The following OTOGL variants were observed in gnomAD, a reference collection of about 807,000 sequenced individuals.
OTOGL encodes otogelin like.
A neutral mutation model predicts 318.5 loss-of-function variants in OTOGL; 285 were observed. The ratio of observed to expected loss-of-function variants is 0.89; its 90% confidence interval spans 0.81 to 0.99. The LOEUF (loss-of-function observed/expected upper bound fraction) is 0.99. OTOGL is among the 50% of genes least tolerant of loss of function. The probability of loss-of-function intolerance (pLI) is 0.00; values close to 1 mark genes in which losing one functional copy is unlikely to be tolerated. For missense variants in OTOGL, 2,899 were observed against 2,845.6 expected (o/e 1.02, Z -0.43); for synonymous variants, 987 against 936.5 (o/e 1.05, Z -0.99).
chr12:80,196,028 CT>C (rs1876042026), intron 1 of OTOGL, among the ~76,000 whole-genome samples: 1 of 152,180 alleles, frequency 6.6e-6, no homozygotes, highest in Admixed American at 6.5e-5. Context: ...AAAAATCATC[CT>C]TGAAGGTTTG....
chr12:80,221,176 A>T (rs1878288313), intron 6 of OTOGL, among the ~76,000 whole-genome samples: 1 of 152,180 alleles, frequency 6.6e-6, no homozygotes, highest in Non-Finnish European at 1.5e-5. Context: ...AAAGGTAGGC[A>T]TGACAATAGG....
At chr12:80,320,064 A>G (rs763498507) in intron 33 of OTOGL, among the ~76,000 whole-genome samples, 5 of 152,176 alleles carry the variant, frequency 3.3e-5, no homozygotes, top group Non-Finnish European at 1.5e-5. Context: ...AAGCTTGCAA[A>G]CGCAAATATA....
At chr12:80,241,069 C>T (rs1229945368) in intron 11 of OTOGL, among the ~76,000 whole-genome samples, 6 of 151,870 alleles carry the variant, frequency 4.0e-5, no homozygotes, top group Non-Finnish European at 8.8e-5. Context: ...TTTAGTAAAA[C>T]CACTTAAATG....
chr12:80,288,444 G>A (rs1884795125), intron 26 of OTOGL, among the ~76,000 whole-genome samples: 1 of 152,060 alleles, frequency 6.6e-6, no homozygotes, highest in African/African-American at 2.4e-5. Context: ...ATGTTGACCT[G>A]TCCTGCTAGG....
At chr12:80,102,771 A>G (rs994596972) in intron 1 of OTOGL, 12 of 607,688 alleles carry the variant, frequency 2.0e-5, no homozygotes, top group African/African-American at 1.3e-4. Flanking sequence ...ATAAAGTCCT[A>G]CTGATGGATG....
intron 17 of OTOGL, among the ~76,000 whole-genome samples, chr12:80,256,977 A>G (rs554055704): frequency 6.6e-6 from 1 of 152,214 alleles, no homozygotes; most frequent in South Asian, 2.1e-4. Flanking sequence ...TGGTTTTGCT[A>G]CAGCAGAGAG....
intron 38 of OTOGL, among the ~76,000 whole-genome samples, chr12:80,334,912 G>A (rs1230037437): frequency 6.6e-6 from 1 of 152,092 alleles, no homozygotes; most frequent in Admixed American, 6.6e-5. Context: ...TACCTGAGAA[G>A]TGGTACAACT....
At chr12:80,317,310 T>A (rs1347780646) in intron 32 of OTOGL, among the ~76,000 whole-genome samples, 1 of 152,184 alleles carries the variant, frequency 6.6e-6, no homozygotes, top group Middle Eastern at 3.2e-3. Context: ...AATGATAAGA[T>A]CAATGACTTT....
intron 1 of OTOGL, among the ~76,000 whole-genome samples, chr12:80,195,124 A>G (rs952643363): frequency 2.6e-5 from 4 of 152,224 alleles, no homozygotes; most frequent in Admixed American, 2.0e-4. Flanking sequence ...TCTTTAGGCT[A>G]TTATAACTAA....
chr12:80,235,541 G>A (rs1879771521), intron 9 of OTOGL, among the ~76,000 whole-genome samples: 3 of 151,870 alleles, frequency 2.0e-5, no homozygotes, highest in African/African-American at 4.8e-5. Context: ...ACATGGTATG[G>A]AGGTCAGGAT....
intron 7 of OTOGL, among the ~76,000 whole-genome samples, chr12:80,223,281 A>G (rs1376085662): frequency 4.6e-5 from 7 of 151,860 alleles, no homozygotes; most frequent in Non-Finnish European, 8.8e-5. Context: ...ATGTATATAT[A>G]TATGGCATAT....
intron 1 of OTOGL, among the ~76,000 whole-genome samples, chr12:80,127,490 A>G (rs1870928791): frequency 6.6e-6 from 1 of 151,904 alleles, no homozygotes; most frequent in African/African-American, 2.4e-5. Flanking sequence ...CTTCATTTCA[A>G]CTTTGGTGAA....
At chr12:80,316,469 T>C (rs916538915) in intron 32 of OTOGL, among the ~76,000 whole-genome samples, 1 of 152,214 alleles carries the variant, frequency 6.6e-6, no homozygotes, top group Non-Finnish European at 1.5e-5. Context: ...TTTTGCTCTC[T>C]GTTAACAAGT....
chr12:80,161,273 T>A (rs964821248), intron 1 of OTOGL, among the ~76,000 whole-genome samples: 2 of 151,456 alleles, frequency 1.3e-5, no homozygotes, highest in African/African-American at 4.9e-5. Flanking sequence ...AATAAAAATG[T>A]AGAAAAAGGG....
intron 1 of OTOGL, among the ~76,000 whole-genome samples, chr12:80,169,219 A>G (rs1193465162): frequency 6.6e-6 from 1 of 152,076 alleles, no homozygotes; most frequent in East Asian, 1.9e-4. Context: ...TCCTTTTCCT[A>G]GAACCTTATC....
At chr12:80,322,002 G>A (rs2137839167) in intron 34 of OTOGL, among the ~76,000 whole-genome samples, 1 of 152,254 alleles carries the variant, frequency 6.6e-6, no homozygotes, top group East Asian at 1.9e-4. Context: ...TGATACTTCA[G>A]GTGCAACTGG....
At chr12:80,338,284 T>TG (rs1161607676) in intron 42 of OTOGL, among the ~76,000 whole-genome samples, 1 of 152,008 alleles carries the variant, frequency 6.6e-6, no homozygotes, top group Non-Finnish European at 1.5e-5. Flanking sequence ...AGGTCTTTTC[T>TG]GGGGGAGGTC....
chr12:80,328,972 TAA>T (rs1369952812), intron 36 of OTOGL, 77 bp from the exon 37 acceptor site: 6 of 1,316,342 alleles, frequency 4.6e-6, no homozygotes, highest in Admixed American at 2.5e-5. Flanking sequence ...TCCTTGAAGC[TAA>T]AGAGTCCTCT....
At chr12:80,336,198 T>A (rs1330664472) in intron 39 of OTOGL, 58 bp downstream of exon 39, 1 of 1,469,558 alleles carries the variant, frequency 6.8e-7, no homozygotes, top group Non-Finnish European at 9.0e-7. Context: ...CTGGAGAGAT[T>A]GTTACTTTTT....
Sources: allele counts gnomAD v4.1 joint callset (sites outside exome capture counted in the v4.1 genomes callset), GRCh38; gene constraint gnomAD v4.1.1; transcripts MANE v1.5; gene names NCBI Gene and HGNC (gene_info 2026-07-23, HGNC 2026-07-21).